The following PCDH9 variants were observed in gnomAD, a reference collection of about 807,000 sequenced individuals.
The protein encoded by PCDH9 is protocadherin 9, also known as protocadherin-9.
A neutral mutation model predicts 70.6 loss-of-function variants in PCDH9; 24 were observed. The ratio of observed to expected loss-of-function variants is 0.34; its 90% confidence interval spans 0.25 to 0.48. PCDH9 has a LOEUF of 0.48. PCDH9 is among the 20% of genes least tolerant of loss of function. The probability of loss-of-function intolerance (pLI) is 0.99; values close to 1 mark genes in which losing one functional copy is unlikely to be tolerated. For synonymous variants in PCDH9, 562 were observed against 558.5 expected, an observed-to-expected ratio of 1.01 and a Z score of -0.09; for missense variants, 1,281 against 1,503.6, an observed-to-expected ratio of 0.85 and a Z score of 2.45.
intron 3 of PCDH9, chr13:66,782,889 A>G (rs2080022605): frequency 6.6e-6 from 1 of 152,224 alleles, no homozygotes; most frequent in Non-Finnish European, 1.5e-5. Context: ...TTCTAAATTA[A>G]TGACCCGCTA....
In PCDH9 at chr13:67,226,666, C is replaced by A. The variant is rs1396150648; in HGVS notation, c.1775G>T (p.Gly592Val). Residue 592 changes from glycine to valine, a missense_variant, in exon 2 of 5, where the codon GGG becomes GTG. Gly to Val is a moderately radical substitution (Grantham distance 109). Transcript: ENST00000377865. The surrounding 1 kb of genome is among the most constrained non-coding windows in gnomAD (Gnocchi z 5.0). ...ATCTGCATCTGTCACTGTGATTACC[C>A]CCACAGTACTATACTTTGGCAGATT... Reference protein sequence around the residue: ...SENLPKYSTVGVITVTDADAG... With the variant: ...SENLPKYSTVVVITVTDADAG... The A allele has an allele frequency of 6.2e-7, 1 of 1,612,164 alleles. No individual in the cohort carries two copies. The highest frequency in any genetic ancestry group is 8.5e-7 in the Non-Finnish European group (1 of 1,178,244).
chr13:67,174,980 A>C (rs987053002), intron 2 of PCDH9, among the ~76,000 whole-genome samples: 3 of 149,182 alleles, frequency 2.0e-5, no homozygotes, highest in African/African-American at 7.5e-5. Flanking sequence ...AAAAAAAAAA[A>C]AAAAAATTAG....
At chr13:66,697,564 T>G (rs1396734219) in intron 3 of PCDH9, among the ~76,000 whole-genome samples, 2 of 152,174 alleles carry the variant, frequency 1.3e-5, no homozygotes, top group Non-Finnish European at 2.9e-5. Flanking sequence ...GGAGCATTAT[T>G]GACATTTTGG....
At chr13:67,214,467 G>A (rs535339153) in intron 2 of PCDH9, 1 of 152,222 alleles carries the variant, frequency 6.6e-6, no homozygotes, top group South Asian at 2.1e-4. Flanking sequence ...TAGGAGTGAT[G>A]GATACGGTGA....
rs575235938 is a variant in PCDH9 at position 67,172,758 on chromosome 13, A to T, written c.3036+52647T>A. On this transcript the variant is annotated intron_variant, in intron 2 of 4. Transcript: ENST00000377865. ...CTGGGTGTGGTGGCACAAGCCTGTAATCCCAGCTACTCGAGGGGCTGAGGC... is the reference window on the plus strand; with the variant it reads ...CTGGGTGTGGTGGCACAAGCCTGTATTCCCAGCTACTCGAGGGGCTGAGGC... 6.8e-3 allele frequency among the ~76,000 whole-genome samples: 1,025 copies of T among 151,760 alleles called. 13 individuals carry two copies. Among genetic ancestry groups the T allele is most frequent in the African/African-American group, 0.023 (965 of 41,388 alleles).
At chr13:66,941,930 C>G (rs2083012843) in intron 2 of PCDH9, among the ~76,000 whole-genome samples, 1 of 151,806 alleles carries the variant, frequency 6.6e-6, no homozygotes. Flanking sequence ...AGGCATAAAA[C>G]AATTCCTAAA....
At chr13:66,883,239 A>G (rs2081950974) in intron 3 of PCDH9, among the ~76,000 whole-genome samples, 2 of 152,170 alleles carry the variant, frequency 1.3e-5, no homozygotes, top group Admixed American at 1.3e-4. Flanking sequence ...TGAAAATAAT[A>G]ATTTAACTCC....
chr13:66,920,840 A>G (rs1022344826), intron 2 of PCDH9, among the ~76,000 whole-genome samples: 32 of 151,342 alleles, frequency 2.1e-4, no homozygotes, highest in African/African-American at 7.7e-4. Context: ...GTATCCTAAA[A>G]CAATAGCTTC....
At chr13:67,191,047 T>G (rs1456538048) in intron 2 of PCDH9, among the ~76,000 whole-genome samples, 1 of 152,100 alleles carries the variant, frequency 6.6e-6, no homozygotes, top group East Asian at 1.9e-4. Flanking sequence ...AAGACTGTAA[T>G]TCTCAATGCA....
At chr13:67,022,253 G>T (rs1255262182) in intron 2 of PCDH9, among the ~76,000 whole-genome samples, 3 of 150,604 alleles carry the variant, frequency 2.0e-5, no homozygotes, top group Non-Finnish European at 4.4e-5. Context: ...CTCCCGAGTA[G>T]CTGCGGTTAC....
intron 2 of PCDH9, among the ~76,000 whole-genome samples, chr13:67,199,385 TA>T (rs144766676): frequency 6.3e-4 from 95 of 152,000 alleles, no homozygotes; most frequent in African/African-American, 1.9e-3. Flanking sequence ...TCTTCTCACT[TA>T]AAAATCACTT....
chr13:66,324,683 GA>G (rs1955811860), intron 4 of PCDH9, among the ~76,000 whole-genome samples: 1 of 152,156 alleles, frequency 6.6e-6, no homozygotes, highest in South Asian at 2.1e-4. Flanking sequence ...GAGTGGCACA[GA>G]AAAGCTAATT....
chr13:66,791,825 CAT>C (rs933207317), intron 3 of PCDH9, among the ~76,000 whole-genome samples: 15 of 152,096 alleles, frequency 9.9e-5, no homozygotes, highest in Middle Eastern at 6.8e-3. Context: ...TTTTTTCTAT[CAT>C]GTGGACTTTT....
At chr13:67,181,679 T>C (rs2088619278) in intron 2 of PCDH9, among the ~76,000 whole-genome samples, 1 of 152,036 alleles carries the variant, frequency 6.6e-6, no homozygotes, top group African/African-American at 2.4e-5. Flanking sequence ...TAAGTGAATC[T>C]TGGAAAGAAG....
At chr13:66,831,918 A>C (rs534121306) in intron 3 of PCDH9, among the ~76,000 whole-genome samples, 138 of 152,268 alleles carry the variant, frequency 9.1e-4, no homozygotes, top group Non-Finnish European at 1.6e-3. Context: ...AAGTGCCAAA[A>C]TGTCTGCATA....
At chr13:66,487,087 C>T (rs537842460) in intron 4 of PCDH9, among the ~76,000 whole-genome samples, 36 of 152,254 alleles carry the variant, frequency 2.4e-4, no homozygotes, top group African/African-American at 7.2e-4. Context: ...TATCACCATA[C>T]GATCTCTTTG....
chr13:66,530,053 T>C (rs1960383550), intron 4 of PCDH9, among the ~76,000 whole-genome samples: 1 of 152,054 alleles, frequency 6.6e-6, no homozygotes, highest in South Asian at 2.1e-4. Context: ...ATATAGTTGT[T>C]ACATTGATAT....
chr13:66,643,665 T>G (rs1157924427), intron 3 of PCDH9, among the ~76,000 whole-genome samples: 8 of 152,090 alleles, frequency 5.3e-5, no homozygotes, highest in Admixed American at 4.6e-4. Context: ...AGGTAGCTTC[T>G]GTAAAATGCT....
At chr13:67,190,124 A>G (rs1407547920) in intron 2 of PCDH9, among the ~76,000 whole-genome samples, 5 of 151,994 alleles carry the variant, frequency 3.3e-5, no homozygotes, top group Admixed American at 6.6e-5. Flanking sequence ...TTAAATATGC[A>G]AAGAATCTTA....
Sources: allele counts gnomAD v4.1 joint callset (sites outside exome capture counted in the v4.1 genomes callset), GRCh38; gene constraint gnomAD v4.1.1; non-coding constraint Gnocchi (gnomAD v3.1); transcripts MANE v1.5; gene names NCBI Gene and HGNC (gene_info 2026-07-23, HGNC 2026-07-21).